FRMD4B: variants seen among roughly 807,000 people sequenced by gnomAD.
FRMD4B encodes FERM domain-containing protein 4B.
In FRMD4B, 74 loss-of-function variants were observed where a neutral mutation model predicts 141.5. That is an observed-to-expected ratio of 0.52 (90% confidence interval 0.43 to 0.63). The LOEUF (loss-of-function observed/expected upper bound fraction) is 0.63. Ranked by LOEUF, FRMD4B falls within the 30% of genes least tolerant of loss-of-function variation. FRMD4B has a pLI of 0.00. For missense variants in FRMD4B, 1,366 were observed against 1,253.4 expected (o/e 1.09, Z -1.36); for synonymous variants, 506 against 467.9 (o/e 1.08, Z -1.05).
intron 3 of FRMD4B, among the ~76,000 whole-genome samples, chr3:69,302,839 G>A (rs933533422): frequency 2.0e-5 from 3 of 152,186 alleles, no homozygotes; most frequent in Non-Finnish European, 2.9e-5. Context: ...TTGGGAGGCC[G>A]AGGCGGGCAG....
chr3:69,490,114 T>C (rs967319548), intron 1 of FRMD4B, among the ~76,000 whole-genome samples: 2 of 152,192 alleles, frequency 1.3e-5, no homozygotes, highest in Non-Finnish European at 2.9e-5. Flanking sequence ...GGTTTCTTTT[T>C]GGGATGATGA....
chr3:69,407,923 G>C (rs1410816199), intron 2 of FRMD4B, among the ~76,000 whole-genome samples: 1 of 151,964 alleles, frequency 6.6e-6, no homozygotes, highest in African/African-American at 2.4e-5. Context: ...CTGGCCATGT[G>C]GGGGAAAAAG....
intron 17 of FRMD4B, among the ~76,000 whole-genome samples, chr3:69,192,187 C>T (rs566775084): frequency 6.6e-5 from 10 of 151,972 alleles, no homozygotes; most frequent in Non-Finnish European, 1.3e-4. Flanking sequence ...AGTTTGAGAC[C>T]AGCCTGGGCA....
chr3:69,325,241 T>G (rs1441963713), intron 1 of FRMD4B, among the ~76,000 whole-genome samples: 1 of 152,198 alleles, frequency 6.6e-6, no homozygotes, highest in Non-Finnish European at 1.5e-5. Flanking sequence ...GCATGCTCCT[T>G]TCTGCCTTAC....
intron 1 of FRMD4B, among the ~76,000 whole-genome samples, chr3:69,347,374 A>G (rs1702982876): frequency 6.6e-6 from 1 of 152,170 alleles, no homozygotes; most frequent in Admixed American, 6.5e-5. Flanking sequence ...CTCCCACACA[A>G]TAATAATGGG....
intron 21 of FRMD4B, among the ~76,000 whole-genome samples, chr3:69,178,589 G>C (rs147831204): frequency 0.012 from 1,822 of 151,710 alleles, 51 homozygotes; most frequent in Admixed American, 0.061. Context: ...GGAGGATCGC[G>C]TTGAGCCAAG....
At chr3:69,296,721 C>A (rs572429598) in intron 4 of FRMD4B, among the ~76,000 whole-genome samples, 1 of 152,296 alleles carries the variant, frequency 6.6e-6, no homozygotes, top group South Asian at 2.1e-4. Flanking sequence ...TTCCAGTCCT[C>A]TCATTATTGT....
chr3:69,247,600 C>T (rs939716014), intron 7 of FRMD4B, among the ~76,000 whole-genome samples: 1 of 152,154 alleles, frequency 6.6e-6, no homozygotes, highest in Non-Finnish European at 1.5e-5. Flanking sequence ...AATTCTCCTG[C>T]CTTAGCCTCC....
rs776997747 is a variant in FRMD4B, at chr3:69,271,241, CA to C, written c.501+16510del. Among the ~76,000 whole-genome samples the C allele has an allele frequency of 9.6e-4, 146 of 152,332 alleles. 1 individual carries two copies. The highest frequency in any genetic ancestry group is 5.0e-4 in the Non-Finnish European group (34 of 68,028). ...TAGTAGCTTGTCTTGACGTATTCCACAAATATTTGAGTGTCTACTTGGGCTG... is the reference window on the plus strand; with the variant it reads ...TAGTAGCTTGTCTTGACGTATTCCACAATATTTGAGTGTCTACTTGGGCTG... On this transcript the variant is annotated intron_variant, in intron 5 of 22. Coordinates refer to ENST00000398540, the MANE Select transcript of FRMD4B (RefSeq NM_015123.3).
At chr3:69,466,562 A>C (rs1013170534) in intron 1 of FRMD4B, among the ~76,000 whole-genome samples, 1 of 152,242 alleles carries the variant, frequency 6.6e-6, no homozygotes, top group Non-Finnish European at 1.5e-5. Flanking sequence ...CTAATATAGC[A>C]CAGTTGGCCA....
chr3:69,366,710 C>A (rs182753183), intron 1 of FRMD4B, among the ~76,000 whole-genome samples: 36 of 144,936 alleles, frequency 2.5e-4, no homozygotes, highest in Admixed American at 1.0e-3. Context: ...AGCACAAACA[C>A]GACCTTTTTT....
chr3:69,323,704 A>G (rs1702093613), intron 1 of FRMD4B, among the ~76,000 whole-genome samples: 1 of 147,244 alleles, frequency 6.8e-6, no homozygotes, highest in Non-Finnish European at 1.5e-5. Context: ...TTCCATTACT[A>G]GCTTCATTTT....
chr3:69,413,291 G>C (rs1196213897), intron 2 of FRMD4B, among the ~76,000 whole-genome samples: 1 of 152,070 alleles, frequency 6.6e-6, no homozygotes, highest in Admixed American at 6.6e-5. Context: ...CTATAATGTA[G>C]GCATTATCCT....
At chr3:69,193,117 G>A (rs769235352) in intron 17 of FRMD4B, among the ~76,000 whole-genome samples, 5 of 152,046 alleles carry the variant, frequency 3.3e-5, no homozygotes, top group East Asian at 1.9e-4. Flanking sequence ...CGCCATGCTC[G>A]TGCTGCCCAT....
intron 1 of FRMD4B, among the ~76,000 whole-genome samples, chr3:69,533,029 C>A (rs1007882820): frequency 6.6e-6 from 1 of 152,238 alleles, no homozygotes; most frequent in Non-Finnish European, 1.5e-5. Flanking sequence ...TGTGACAACA[C>A]ATTCAGTGTT....
At chr3:69,497,652 T>C (rs969100616) in intron 1 of FRMD4B, among the ~76,000 whole-genome samples, 1 of 152,174 alleles carries the variant, frequency 6.6e-6, no homozygotes, top group Non-Finnish European at 1.5e-5. Flanking sequence ...GCAGGGGACA[T>C]GGTAAAACAC....
rs192035722 is a variant in FRMD4B at position 69,272,376 on chromosome 3, T to A, written c.501+15376A>T. ...GGTTTTAGCATGTTGGCCAGGCTGG[T>A]CTTGAACTCCTGGCCTCAGGTGATC... is the stretch of plus-strand genomic sequence containing the variant. On this transcript the variant is annotated intron_variant, in intron 5 of 22. Transcript: ENST00000398540. Among the ~76,000 whole-genome samples the A allele has an allele frequency of 6.9e-4, 105 of 152,332 alleles. 1 individual carries two copies. Among genetic ancestry groups the A allele is most frequent in the Admixed American group, 5.4e-3 (83 of 15,296 alleles).
chr3:69,464,288 T>A (rs986606106), intron 1 of FRMD4B, among the ~76,000 whole-genome samples: 26 of 152,202 alleles, frequency 1.7e-4, no homozygotes, highest in Non-Finnish European at 2.8e-4. Context: ...GGAGGTTTTC[T>A]GGTAACAGGA....
rs140984813 is a variant in FRMD4B at position 69,281,030 on chromosome 3, A to C, written c.501+6722T>G. 9.0e-3 allele frequency among the ~76,000 whole-genome samples: 1,368 copies of C among 152,168 alleles called. 9 individuals are homozygous for C. The highest frequency in any genetic ancestry group is 0.014 in the Non-Finnish European group (964 of 67,994). On this transcript the variant is annotated intron_variant, in intron 5 of 22. Transcript: ENST00000398540. The stretch of plus-strand genomic sequence containing the variant: ...ACCACAACCTCTGCCTCCTGAGTTC[A>C]AGCGATTCTCCTGCCTCAGCCTCCC...
Sources: gnomAD v4.1 joint callset for allele counts (sites outside exome capture counted in the v4.1 genomes callset) on GRCh38, gnomAD v4.1.1 for gene constraint, MANE v1.5 for transcripts, NCBI Gene and HGNC (gene_info 2026-07-23, HGNC 2026-07-21) for gene names.